SNX29: variants seen among roughly 807,000 people sequenced by gnomAD.
The protein encoded by SNX29 is sorting nexin-29.
In SNX29, 78 loss-of-function variants were observed where a neutral mutation model predicts 102.1. The observed-to-expected ratio is 0.76, with a 90% confidence interval of 0.64 to 0.92. The LOEUF (loss-of-function observed/expected upper bound fraction) is 0.92. Among genes scored for constraint, SNX29 ranks in the 40% least tolerant of loss-of-function variants. The probability of loss-of-function intolerance (pLI) is 0.00; values close to 1 mark genes in which losing one functional copy is unlikely to be tolerated. For missense variants in SNX29, 1,280 were observed against 1,061.7 expected (o/e 1.21, Z -2.86); for synonymous variants, 580 against 414.5 (o/e 1.40, Z -4.85).
intron 3 of SNX29, among the ~76,000 whole-genome samples, chr16:12,023,525 C>G (rs2057092482): frequency 1.3e-5 from 2 of 149,048 alleles, no homozygotes; most frequent in South Asian, 4.2e-4. Context: ...CTGCAGTGAG[C>G]TATGATCACA....
In SNX29 at chr16:12,481,539, C is replaced by CAT. The variant is rs1241731808; in HGVS notation, c.2178+3681_2178+3682insTA. On this transcript the variant is annotated intron_variant, in intron 19 of 20. Transcript: ENST00000566228. ...ACACACACACACACACACACACACA[C>CAT]ACACACACACACACACCCCAAATGT... Among the ~76,000 whole-genome samples, 3 of 151,136 alleles carry CAT rather than the reference C, an allele frequency of 2.0e-5. No homozygotes were observed. In the East Asian group the frequency reaches 5.9e-4, roughly 30 times the overall value.
chr16:12,003,629 G>C (rs544339127), intron 3 of SNX29, among the ~76,000 whole-genome samples: 1 of 152,310 alleles, frequency 6.6e-6, no homozygotes, highest in South Asian at 2.1e-4. Flanking sequence ...GGTAGCAGTA[G>C]GGGTAAGAAT....
At chr16:12,115,807 A>G (rs1311591196) in intron 11 of SNX29, among the ~76,000 whole-genome samples, 1 of 152,146 alleles carries the variant, frequency 6.6e-6, no homozygotes, top group African/African-American at 2.4e-5. Context: ...ACACATGTGT[A>G]CCTCGCTTGC....
chr16:12,539,894 TTTTACAAAGA>T (rs1174759622), intron 20 of SNX29, among the ~76,000 whole-genome samples: 2 of 152,232 alleles, frequency 1.3e-5, no homozygotes, highest in African/African-American at 2.4e-5. Flanking sequence ...CTGTTTGTGG[TTTTACAAAGA>T]TTTGAGTTTT....
intron 11 of SNX29, among the ~76,000 whole-genome samples, chr16:12,086,299 T>C (rs896902679): frequency 1.3e-5 from 2 of 152,158 alleles, no homozygotes; most frequent in Non-Finnish European, 2.9e-5. Flanking sequence ...CCACCGCGCC[T>C]GGCCACGCTC....
Position 12,277,949 on chromosome 16 carries a change from T to C in SNX29, c.1695T>C (p.Ser565=). ...TCTCTAAAGTGCCAAATCTTTGGAG[T>C]GTTGATGGAGAAGTTACAGTAGCTG... ...GQTAEVPNLW[S]VDGEVTVAEQ... is the part of the protein sequence containing the mutation. The change falls in exon 15 of 21, where the codon AGT becomes AGC. Residue 565 remains serine, a synonymous_variant. Transcript: ENST00000566228. 2 of 1,607,678 alleles carry C rather than the reference T, an allele frequency of 1.2e-6. No homozygotes were observed. The highest frequency in any genetic ancestry group is 8.5e-7 in the Non-Finnish European group (1 of 1,177,080).
Position 11,987,242 on chromosome 16 carries a change from T to A in SNX29, c.7+10429T>A, listed in dbSNP as rs895061927. On this transcript the variant is annotated intron_variant, in intron 1 of 20. Coordinates refer to ENST00000566228, the MANE Select transcript of SNX29 (RefSeq NM_032167.5). ...ACCATACCTGGCTAATTTTTTTTTT[T>A]AAATTTTCATAGAGACGAGGCCTTA... Among the ~76,000 whole-genome samples the A allele has an allele frequency of 6.7e-4, 100 of 150,320 alleles. 2 individuals are homozygous for A. The highest frequency in any genetic ancestry group is 2.3e-3 in the African/African-American group (96 of 41,036).
intron 16 of SNX29, among the ~76,000 whole-genome samples, chr16:12,388,174 CAT>C (rs972120663): frequency 2.6e-5 from 4 of 152,156 alleles, no homozygotes; most frequent in African/African-American, 9.7e-5. Flanking sequence ...TTTCCGCACC[CAT>C]GTTTCTTCTG....
At chr16:12,565,899 G>A (rs968369345) in intron 20 of SNX29, among the ~76,000 whole-genome samples, 4 of 152,062 alleles carry the variant, frequency 2.6e-5, no homozygotes, top group Admixed American at 2.6e-4. Flanking sequence ...CTCTCATTGG[G>A]GCATCCACCG....
intron 18 of SNX29, among the ~76,000 whole-genome samples, chr16:12,452,530 C>CT (rs1201400913): frequency 2.0e-5 from 3 of 152,184 alleles, no homozygotes; most frequent in African/African-American, 7.2e-5. Flanking sequence ...CTCATACAGC[C>CT]TGGAGGCAGG....
At chr16:12,539,277 C>T (rs980756381) in intron 20 of SNX29, among the ~76,000 whole-genome samples, 3 of 152,150 alleles carry the variant, frequency 2.0e-5, no homozygotes, top group African/African-American at 7.2e-5. Flanking sequence ...TTTCTAGCTG[C>T]ACCCTCCCCC....
In SNX29 at chr16:12,570,170, C is replaced by T. The variant is rs938338801; in HGVS notation, c.*1541C>T. On this transcript the variant is annotated 3_prime_UTR_variant, in exon 21 of 21. Coordinates refer to ENST00000566228, the MANE Select transcript of SNX29 (RefSeq NM_032167.5). ...ACTCACACACAGCGCCCCCCCACCC[C>T]AGAGAAACCGAGTCAGCCTACATGA... 6.6e-6 allele frequency: 7 copies of T among 1,065,286 alleles called. No individual in the cohort carries two copies. The African/African-American group carries it at 9.8e-5, about 15-fold the overall frequency. The allele number at this position is 1,065,286 out of a possible 1,614,324, so 66.0% of individuals were successfully genotyped here.
intron 13 of SNX29, among the ~76,000 whole-genome samples, chr16:12,138,055 G>T (rs1280421022): frequency 6.6e-6 from 1 of 152,142 alleles, no homozygotes; most frequent in Non-Finnish European, 1.5e-5. Context: ...TGTCTGCCAT[G>T]CCCATGGGAA....
At chr16:12,286,147 T>TG (rs1309647798) in intron 15 of SNX29, among the ~76,000 whole-genome samples, 2 of 150,488 alleles carry the variant, frequency 1.3e-5, no homozygotes, top group African/African-American at 4.9e-5. Flanking sequence ...CTGTCCTGTT[T>TG]GTTTTTTTTT....
rs961197772 is a variant in SNX29, at chr16:12,070,775, T to C, written c.1319+1643T>C. Among the ~76,000 whole-genome samples, 48 of 152,006 alleles carry C rather than the reference T, an allele frequency of 3.2e-4. 1 individual carries two copies. The highest frequency in any genetic ancestry group is 2.9e-3 in the Admixed American group (44 of 15,248). ...CACACTGACTTCCACAATGGTTGAA[T>C]TAGTTTACAGTCCCACCAACAGTGT... On this transcript the variant is annotated intron_variant, in intron 10 of 20. Coordinates refer to ENST00000566228, the MANE Select transcript of SNX29 (RefSeq NM_032167.5).
intron 20 of SNX29, among the ~76,000 whole-genome samples, chr16:12,540,291 A>G (rs2077271263): frequency 1.3e-5 from 2 of 152,122 alleles, no homozygotes; most frequent in African/African-American, 2.4e-5. Context: ...GACTAGAGGC[A>G]TTACGGGGTG....
chr16:12,479,455 C>T (rs1051642861), intron 19 of SNX29, among the ~76,000 whole-genome samples: 2 of 152,124 alleles, frequency 1.3e-5, no homozygotes, highest in Non-Finnish European at 2.9e-5. Context: ...AACCTGATCA[C>T]GCCAAGGTCT....
intron 20 of SNX29, among the ~76,000 whole-genome samples, chr16:12,538,915 G>C (rs919260944): frequency 6.6e-6 from 1 of 152,158 alleles, no homozygotes; most frequent in African/African-American, 2.4e-5. Flanking sequence ...TTCTAAGTGG[G>C]AGAAAGGGTG....
intron 11 of SNX29, among the ~76,000 whole-genome samples, chr16:12,091,325 C>G (rs770045107): frequency 3.9e-5 from 6 of 152,066 alleles, no homozygotes; most frequent in Non-Finnish European, 7.4e-5. Context: ...AGAAAAGCAC[C>G]CAGGTCTCAG....
Sources: gnomAD v4.1 joint callset for allele counts (sites outside exome capture counted in the v4.1 genomes callset) on GRCh38, gnomAD v4.1.1 for gene constraint, MANE v1.5 for transcripts, NCBI Gene and HGNC (gene_info 2026-07-23, HGNC 2026-07-21) for gene names.